The following IMMP2L variants were observed in gnomAD, a reference collection of about 807,000 sequenced individuals.
The protein encoded by IMMP2L is mitochondrial inner membrane protease subunit 2.
Under a neutral mutation model 19.3 loss-of-function variants are expected in IMMP2L, and 18 were observed. That is an observed-to-expected ratio of 0.93 (90% confidence interval 0.64 to 1.38). The LOEUF is 1.38. Ranked by LOEUF, IMMP2L falls within the 40% of genes most tolerant of loss-of-function variation. The pLI is 0.00. For synonymous variants in IMMP2L, 76 were observed against 73.0 expected, an observed-to-expected ratio of 1.04 and a Z score of -0.21; for missense variants, 233 against 218.2, an observed-to-expected ratio of 1.07 and a Z score of -0.43.
At chr7:110,855,406 G>T (rs6954148) in intron 5 of IMMP2L, among the ~76,000 whole-genome samples, 71,682 of 151,618 alleles carry the variant, frequency 0.47, 17,597 homozygotes, top group East Asian at 0.8. Context: ...ACGCTGGAAA[G>T]GTGTGCATTT....
At chr7:111,219,953 C>T (rs909342980) in intron 3 of IMMP2L, among the ~76,000 whole-genome samples, 17 of 151,916 alleles carry the variant, frequency 1.1e-4, no homozygotes, top group African/African-American at 4.1e-4. Context: ...CAATAAGTAG[C>T]TAGTGGAAAA....
At chr7:111,443,154 T>A (rs1229857954) in intron 3 of IMMP2L, among the ~76,000 whole-genome samples, 1 of 151,890 alleles carries the variant, frequency 6.6e-6, no homozygotes, top group South Asian at 2.1e-4. Context: ...TTTAAGGTTA[T>A]CTCATTCAAT....
At chr7:111,536,681 A>G (rs900851953) in intron 1 of IMMP2L, among the ~76,000 whole-genome samples, 2 of 152,152 alleles carry the variant, frequency 1.3e-5, no homozygotes, top group African/African-American at 4.8e-5. Flanking sequence ...TCCCTTGCAC[A>G]TATAAAAAAT....
intron 3 of IMMP2L, among the ~76,000 whole-genome samples, chr7:111,136,189 G>C (rs900099062): frequency 6.6e-6 from 1 of 151,762 alleles, no homozygotes; most frequent in East Asian, 1.9e-4. Context: ...CACCATGCCC[G>C]GCTAATTTTT....
chr7:111,059,602 C>A (rs1157419252), intron 3 of IMMP2L, among the ~76,000 whole-genome samples: 1 of 152,076 alleles, frequency 6.6e-6, no homozygotes, highest in East Asian at 1.9e-4. Flanking sequence ...AAAATAGTGG[C>A]TAAAACATAT....
At chr7:111,533,510 T>C (rs1001618344) in intron 1 of IMMP2L, among the ~76,000 whole-genome samples, 3 of 152,096 alleles carry the variant, frequency 2.0e-5, no homozygotes, top group Non-Finnish European at 2.9e-5. Flanking sequence ...TTATTTGTTT[T>C]GCAGAAATGA....
chr7:111,121,842 T>C (rs1800664622), intron 3 of IMMP2L, among the ~76,000 whole-genome samples: 1 of 152,028 alleles, frequency 6.6e-6, no homozygotes, highest in Non-Finnish European at 1.5e-5. Flanking sequence ...TGTCCAACAA[T>C]GATAAACTGG....
intron 3 of IMMP2L, among the ~76,000 whole-genome samples, chr7:110,988,499 G>C (rs1822089637): frequency 6.6e-6 from 1 of 152,146 alleles, no homozygotes; most frequent in African/African-American, 2.4e-5. Context: ...ATGTGGTCTA[G>C]TTGATGCACA....
chr7:111,297,850 T>G (rs1395015749), intron 3 of IMMP2L, among the ~76,000 whole-genome samples: 4 of 152,008 alleles, frequency 2.6e-5, no homozygotes, highest in African/African-American at 9.7e-5. Flanking sequence ...AAATCTAGTT[T>G]AGGAAAAATG....
intron 3 of IMMP2L, among the ~76,000 whole-genome samples, chr7:111,039,895 G>T (rs1791723569): frequency 6.6e-6 from 1 of 152,158 alleles, no homozygotes; most frequent in African/African-American, 2.4e-5. Context: ...ACTGGGCAGG[G>T]TGGTTCACAC....
intron 4 of IMMP2L, among the ~76,000 whole-genome samples, chr7:110,952,441 C>A (rs565113897): frequency 6.6e-6 from 1 of 152,228 alleles, no homozygotes; most frequent in South Asian, 2.1e-4. Context: ...TACACAAATG[C>A]ACTAACCAGC....
chr7:111,071,507 A>T (rs1794948278), intron 3 of IMMP2L, among the ~76,000 whole-genome samples: 1 of 152,218 alleles, frequency 6.6e-6, no homozygotes, highest in African/African-American at 2.4e-5. Flanking sequence ...GTCGATGGAT[A>T]AATGGAGAAA....
intron 3 of IMMP2L, among the ~76,000 whole-genome samples, chr7:111,023,396 A>C (rs1826485650): frequency 2.0e-5 from 3 of 152,126 alleles, no homozygotes. Flanking sequence ...CCTTTCAAAC[A>C]AATATAAATT....
intron 3 of IMMP2L, among the ~76,000 whole-genome samples, chr7:111,106,623 G>A (rs927204169): frequency 8.0e-5 from 12 of 150,086 alleles, no homozygotes; most frequent in African/African-American, 2.2e-4. Context: ...AAGTATGGCT[G>A]CTAAGAGATG....
At chr7:110,680,952 T>A (rs531614677) in intron 5 of IMMP2L, among the ~76,000 whole-genome samples, 2 of 152,090 alleles carry the variant, frequency 1.3e-5, no homozygotes, top group Non-Finnish European at 2.9e-5. Context: ...TGTGCTGTGT[T>A]CCTAGCTGTG....
intron 3 of IMMP2L, among the ~76,000 whole-genome samples, chr7:111,460,353 A>G (rs577646457): frequency 6.6e-6 from 1 of 152,276 alleles, no homozygotes; most frequent in African/African-American, 2.4e-5. Context: ...TTTAGTGCAA[A>G]TTCCAAGAAC....
chr7:110,997,889 A>C (rs962825580), intron 3 of IMMP2L, among the ~76,000 whole-genome samples: 1 of 152,132 alleles, frequency 6.6e-6, no homozygotes, highest in African/African-American at 2.4e-5. Context: ...AAGATTCAGA[A>C]CTTGCCAAGT....
chr7:111,451,306 C>T lies in IMMP2L; in HGVS notation c.239+35932G>A, dbSNP rs557139380. The stretch of plus-strand genomic sequence containing the variant: ...TATTCACAATAGCAAAGACTTGGAA[C>T]CAACCCAAATGTCCAAGAATGATAG... On this transcript the variant is annotated intron_variant, in intron 3 of 5. Coordinates refer to ENST00000405709, the MANE Select transcript of IMMP2L (RefSeq NM_032549.4). 5.0e-4 allele frequency among the ~76,000 whole-genome samples: 76 copies of T among 150,736 alleles called. 1 individual carries two copies. Among genetic ancestry groups the T allele is most frequent in the East Asian group, 1.9e-3 (10 of 5,152 alleles).
At chr7:111,113,406 T>C (rs214877) in intron 3 of IMMP2L, among the ~76,000 whole-genome samples, 14,775 of 152,146 alleles carry the variant, frequency 0.097, 1,686 homozygotes, top group African/African-American at 0.28. Flanking sequence ...TGTATACATG[T>C]CTATCATGTC....
Sources: gnomAD v4.1 joint callset for allele counts (sites outside exome capture counted in the v4.1 genomes callset) on GRCh38, gnomAD v4.1.1 for gene constraint, MANE v1.5 for transcripts, NCBI Gene and HGNC (gene_info 2026-07-23, HGNC 2026-07-21) for gene names.